MEIKIN: variants seen among roughly 807,000 people sequenced by gnomAD.
MEIKIN encodes the protein meiotic kinetochore factor.
At chr5:131,875,138 G>C (rs1750589180) in intron 9 of MEIKIN, among the ~76,000 whole-genome samples, 1 of 152,168 alleles carries the variant, frequency 6.6e-6, no homozygotes, top group African/African-American at 2.4e-5. Context: ...TGGAAGTTCT[G>C]GCCAGGGCAA....
At chr5:131,941,774 C>T (rs1251434763) in intron 4 of MEIKIN, among the ~76,000 whole-genome samples, 3 of 152,176 alleles carry the variant, frequency 2.0e-5, no homozygotes, top group African/African-American at 7.2e-5. Context: ...AACTGAATTT[C>T]TAGTCTTTTC....
At chr5:131,848,119 C>G (rs1750049102) in intron 11 of MEIKIN, among the ~76,000 whole-genome samples, 1 of 151,766 alleles carries the variant, frequency 6.6e-6, no homozygotes, top group Non-Finnish European at 1.5e-5. Flanking sequence ...ACTTAAGGAA[C>G]TAGAAAAGAA....
At chr5:131,873,488 G>T (rs183803607) in intron 9 of MEIKIN, among the ~76,000 whole-genome samples, 595 of 152,278 alleles carry the variant, frequency 3.9e-3, no homozygotes, top group Non-Finnish European at 6.6e-3. Flanking sequence ...GGAGCACCCA[G>T]ATTCATAAAG....
chr5:131,933,250 G>A lies in MEIKIN; in HGVS notation c.478+263C>T, dbSNP rs563150154. ...AAGAGAACAAGTATACATTCATTAG[G>A]TGCAAAATTGATTAATAATTGGATG... On this transcript the variant is annotated intron_variant, in intron 5 of 12. Transcript: ENST00000442687. Among the ~76,000 whole-genome samples, 18 of 152,258 alleles carry A rather than the reference G, an allele frequency of 1.2e-4. No individual in the cohort carries two copies. The South Asian group carries it at 3.7e-3, about 32-fold the overall frequency.
intron 9 of MEIKIN, among the ~76,000 whole-genome samples, chr5:131,876,965 G>GA (rs1289363833): frequency 6.9e-6 from 1 of 145,948 alleles, no homozygotes; most frequent in Non-Finnish European, 1.5e-5. Flanking sequence ...ATGGACACAG[G>GA]AAGGGGAACA....
chr5:131,926,363 T>C (rs750747171), intron 5 of MEIKIN, among the ~76,000 whole-genome samples: 6 of 152,214 alleles, frequency 3.9e-5, no homozygotes, highest in Non-Finnish European at 7.3e-5. Context: ...TTTGGAACCA[T>C]CCTTGCATTC....
At chr5:131,886,760 A>G (rs1303323153) in intron 8 of MEIKIN, among the ~76,000 whole-genome samples, 1 of 152,182 alleles carries the variant, frequency 6.6e-6, no homozygotes, top group Non-Finnish European at 1.5e-5. Context: ...AACACAAAGT[A>G]TTATAACAGT....
chr5:131,836,620 G>GT (rs1749813268), intron 11 of MEIKIN, among the ~76,000 whole-genome samples: 1 of 151,580 alleles, frequency 6.6e-6, no homozygotes, highest in South Asian at 2.1e-4. Flanking sequence ...TCTCATTGTG[G>GT]TTTTGACTAG....
chr5:131,867,100 C>A, intron 9 of MEIKIN, among the ~76,000 whole-genome samples: 1 of 152,140 alleles, frequency 6.6e-6, no homozygotes, highest in East Asian at 1.9e-4. Flanking sequence ...GTCTTCAACC[C>A]ATTCTAATCT....
chr5:131,842,110 G>A (rs1410529148), intron 11 of MEIKIN, among the ~76,000 whole-genome samples: 2 of 151,948 alleles, frequency 1.3e-5, no homozygotes, highest in African/African-American at 4.8e-5. Flanking sequence ...GGGACTACAG[G>A]TGCATGCCAT....
chr5:131,911,695 G>C (rs564480840), intron 8 of MEIKIN, 120 bp downstream of exon 8: 1 of 383,768 alleles, frequency 2.6e-6, no homozygotes, highest in African/African-American at 2.1e-5. Context: ...AAAGTACTCG[G>C]TTCACTGGGC....
chr5:131,850,891 T>C (rs958190422), intron 11 of MEIKIN, among the ~76,000 whole-genome samples: 5 of 151,734 alleles, frequency 3.3e-5, no homozygotes, highest in East Asian at 3.9e-4. Flanking sequence ...AGTGAGTCTG[T>C]GAGCCTTGAC....
Position 131,921,935 on chromosome 5 carries a change from TC to T in MEIKIN, c.484del (p.Glu162SerfsTer23). 2.5e-6 allele frequency: 1 copy of T among 398,872 alleles called. No homozygotes were observed. The highest frequency in any genetic ancestry group is 4.4e-6 in the Non-Finnish European group (1 of 225,974). The allele number at this position is 398,872 out of a possible 1,614,324, so 24.7% of individuals were successfully genotyped here. A position where few individuals can be genotyped will look rare whatever the true frequency, so the allele number is the denominator to read the frequency against. On this transcript the variant is annotated frameshift_variant, in exon 6 of 13. Transcript: ENST00000442687. LOFTEE classifies it high-confidence loss of function. ...CATGTGTTCTTCCAAGTTGGGACACTCCCAGTCTAAAACAGCAGAGAAGAAA... is the reference window on the plus strand; with the variant it reads ...CATGTGTTCTTCCAAGTTGGGACACTCCAGTCTAAAACAGCAGAGAAGAAA... Reference protein sequence around the residue: ...LFRKSDYLDWECPNLEEHMQW... With the variant: ...LFRKSDYLDWXCPNLEEHMQW...
intron 8 of MEIKIN, among the ~76,000 whole-genome samples, chr5:131,891,394 G>A (rs375798964): frequency 7.9e-5 from 12 of 152,082 alleles, no homozygotes; most frequent in East Asian, 7.7e-4. Flanking sequence ...TATGAATCTG[G>A]GTGCTCCTGT....
intron 11 of MEIKIN, among the ~76,000 whole-genome samples, chr5:131,832,893 C>T (rs574517694): frequency 1.3e-5 from 2 of 152,344 alleles, no homozygotes; most frequent in East Asian, 3.9e-4. Context: ...CTGGGCCTGG[C>T]CCAGAAAACC....
chr5:131,918,785 T>C (rs1174294689), intron 6 of MEIKIN, among the ~76,000 whole-genome samples: 3 of 152,182 alleles, frequency 2.0e-5, no homozygotes, highest in Non-Finnish European at 4.4e-5. Flanking sequence ...AGAATACATG[T>C]GGGGCTACTC....
intron 6 of MEIKIN, among the ~76,000 whole-genome samples, chr5:131,921,302 AGGAGTTTGAGACCAGCCTG>A (rs1025074923): frequency 1.3e-5 from 2 of 152,194 alleles, no homozygotes; most frequent in Non-Finnish European, 2.9e-5. Context: ...GCTTGAGGCC[AGGAGTTTGAGACCAGCCTG>A]GGCAACATAG....
intron 4 of MEIKIN, among the ~76,000 whole-genome samples, chr5:131,937,950 G>A (rs1227743644): frequency 6.6e-6 from 1 of 151,782 alleles, no homozygotes; most frequent in African/African-American, 2.4e-5. Context: ...AATCTGAATG[G>A]CTCTTTCAGT....
At chr5:131,811,027 AGAG>A (rs1772943303) in intron 12 of MEIKIN, among the ~76,000 whole-genome samples, 1 of 152,186 alleles carries the variant, frequency 6.6e-6, no homozygotes, top group Non-Finnish European at 1.5e-5. Flanking sequence ...TAAAGGAAAG[AGAG>A]AAGTGGCCAG....
Sources: gnomAD v4.1 joint callset for allele counts (sites outside exome capture counted in the v4.1 genomes callset) on GRCh38, gnomAD v4.1.1 for gene constraint, MANE v1.5 for transcripts, NCBI Gene and HGNC (gene_info 2026-07-23, HGNC 2026-07-21) for gene names.